The following MYH6 variants were observed in gnomAD, a reference collection of about 807,000 sequenced individuals.
MYH6 encodes myosin-6.
MYH6 carries 126 observed loss-of-function variants against 223.2 expected under a neutral mutation model. The ratio of observed to expected loss-of-function variants is 0.56; its 90% confidence interval spans 0.49 to 0.65. MYH6 has a LOEUF of 0.65. Ranked by LOEUF, MYH6 falls within the 30% of genes least tolerant of loss-of-function variation. The pLI, the probability that MYH6 is intolerant of heterozygous loss-of-function variation, is 0.00. For synonymous variants in MYH6, 978 were observed against 1,010.2 expected, an observed-to-expected ratio of 0.97 and a Z score of 0.61; for missense variants, 2,040 against 2,536.4, an observed-to-expected ratio of 0.80 and a Z score of 4.20.
chr14:23,390,947 C>G (rs1430042668), intron 25 of MYH6, among the ~76,000 whole-genome samples: 1 of 152,208 alleles, frequency 6.6e-6, no homozygotes, highest in Non-Finnish European at 1.5e-5. Flanking sequence ...ACCACAAAGT[C>G]CAATCAACCA....
chr14:23,388,674 TG>T, intron 29 of MYH6, 184 bp downstream of exon 29: 1 of 1,013,208 alleles, frequency 9.9e-7, no homozygotes. Context: ...TCACAGGAAG[TG>T]GGTCAGGGCC....
intron 32 of MYH6, 84 bp from the exon 33 acceptor site, chr14:23,386,707 A>G: frequency 6.8e-7 from 1 of 1,478,536 alleles, no homozygotes; most frequent in African/African-American, 1.4e-5. Context: ...GGTGTCAGCC[A>G]GGACTATCGC....
At chr14:23,391,190 C>T (rs1250419242) in intron 25 of MYH6, among the ~76,000 whole-genome samples, 1 of 152,154 alleles carries the variant, frequency 6.6e-6, no homozygotes, top group Non-Finnish European at 1.5e-5. Context: ...AGGAGCAAAA[C>T]GGGGGTTCAG....
intron 32 of MYH6, 58 bp from the exon 33 acceptor site, chr14:23,386,681 G>A: frequency 6.5e-7 from 1 of 1,545,382 alleles, no homozygotes; most frequent in Non-Finnish European, 8.8e-7. Context: ...TTGAGAGGGA[G>A]GATGAGAAGA....
chr14:23,398,135 A>G (rs1891485980), intron 15 of MYH6, among the ~76,000 whole-genome samples: 1 of 151,774 alleles, frequency 6.6e-6, no homozygotes, highest in Non-Finnish European at 1.5e-5. Flanking sequence ...TTCCTGCCTC[A>G]GCCTCCCAAG....
intron 14 of MYH6, 127 bp from the exon 15 acceptor site, chr14:23,399,164 T>C: frequency 8.8e-7 from 1 of 1,135,632 alleles, no homozygotes; most frequent in Non-Finnish European, 1.3e-6. Flanking sequence ...GGCGCTGTGC[T>C]GGTACCTCTT....
intron 33 of MYH6, 22 bp downstream of exon 33, chr14:23,386,291 AGG>A (rs767930154): frequency 1.2e-6 from 2 of 1,613,922 alleles, no homozygotes; most frequent in Non-Finnish European, 1.7e-6. Flanking sequence ...CAGTCCCCTG[AGG>A]GGACCTCCCG....
At chr14:23,397,954 T>C (rs571436133) in intron 15 of MYH6, among the ~76,000 whole-genome samples, 9 of 100,168 alleles carry the variant, frequency 9.0e-5, no homozygotes, top group African/African-American at 3.5e-4. Context: ...TTCTTCTTCT[T>C]CTTCTTCTTC....
At chr14:23,388,494 C>A (rs1257046512) in intron 29 of MYH6, 156 bp from the exon 30 acceptor site, 21 of 1,253,260 alleles carry the variant, frequency 1.7e-5, no homozygotes, top group Non-Finnish European at 2.3e-5. Context: ...ACAGAGTCCG[C>A]CAGCACGGGC....
intron 38 of MYH6, 79 bp downstream of exon 38, chr14:23,382,349 G>C (rs1216417117): frequency 6.3e-7 from 1 of 1,593,212 alleles, no homozygotes; most frequent in East Asian, 2.2e-5. Context: ...AGGGCAAGCA[G>C]TGCCCACTCT....
In MYH6 at chr14:23,393,498, C is replaced by T; in HGVS notation, c.2949G>A (p.Glu983=). 1.2e-6 allele frequency: 2 copies of T among 1,614,146 alleles called. No individual in the cohort carries two copies. Among genetic ancestry groups the T allele is most frequent in the Non-Finnish European group, 1.7e-6 (2 of 1,180,034 alleles). ...TENKVKNLTE[E]MAGLDEIIAK... ...CGATGATTTCATCCAGCCCAGCCAT[C>T]TCCTCTGTTAGGTTCTTCACCTGCC... The change falls in exon 23 of 39, where the codon GAG becomes GAA. Residue 983 remains glutamate (E), a synonymous_variant. Transcript: ENST00000405093.
At chr14:23,390,033 G>C (rs187065265) in intron 26 of MYH6, 24 bp downstream of exon 26, 42 of 1,613,474 alleles carry the variant, frequency 2.6e-5, no homozygotes, top group Non-Finnish European at 3.5e-5. Context: ...GGGAGAGGGC[G>C]AGGGGAGGCC....
At position 23,389,504 on chromosome 14, in the gene MYH6, C is replaced by A. The variant is rs138127105; in HGVS notation, c.3867G>T (p.Leu1289Phe). The change falls in exon 28 of 39, where the codon TTG (leucine) becomes TTT (phenylalanine). Residue 1289 changes from leucine (L) to phenylalanine (F), a missense_variant. Transcript: ENST00000405093. ...CCTCCTTTTCCTCTAGCTGCCGGGC[C>A]AACTCTCCTGGAGGTGAAATGAGGG... is the stretch of plus-strand genomic sequence containing the variant. ...RAKLQTENGE[L>F]ARQLEEKEAL... 5.5e-5 allele frequency: 89 copies of A among 1,614,214 alleles called. 2 individuals carry two copies. The highest frequency in any genetic ancestry group is 3.5e-4 in the South Asian group (32 of 91,078).
In MYH6 at chr14:23,403,699, C is replaced by T; in HGVS notation, c.799+16G>A. The T allele has an allele frequency of 6.2e-7, 1 of 1,609,820 alleles. No individual in the cohort carries two copies. The highest frequency in any genetic ancestry group is 8.5e-7 in the Non-Finnish European group (1 of 1,177,600). On this transcript the variant is annotated intron_variant, in intron 9 of 38. Transcript: ENST00000405093. Reference sequence around the variant, plus strand: ...AGGGGGACCTAGAGGGTGGCAGCCTCCCTGCTGGTACTCACAGGTCTCTAT... The same window carrying T: ...AGGGGGACCTAGAGGGTGGCAGCCTTCCTGCTGGTACTCACAGGTCTCTAT...
Position 23,387,931 on chromosome 14 carries a change from G to T in MYH6, c.4360-8C>A. 1.2e-6 allele frequency: 2 copies of T among 1,613,174 alleles called. No homozygotes were observed. The highest frequency in any genetic ancestry group is 1.7e-6 in the Non-Finnish European group (2 of 1,180,012). On this transcript the variant is annotated splice_region_variant and splice_polypyrimidine_tract_variant and intron_variant, in intron 30 of 38. Transcript: ENST00000405093. Reference sequence around the variant, plus strand: ...CTTCCACTCGGCCAGGATCTGCCCGGGGACAAGGCTCACTCTTCAGCCCCC... The same window carrying T: ...CTTCCACTCGGCCAGGATCTGCCCGTGGACAAGGCTCACTCTTCAGCCCCC...
chr14:23,398,086 T>C (rs1891484351), intron 15 of MYH6, among the ~76,000 whole-genome samples: 1 of 151,386 alleles, frequency 6.6e-6, no homozygotes, highest in South Asian at 2.1e-4. Flanking sequence ...GGTGCAATCT[T>C]GGCTCACTGC....
Position 23,404,588 on chromosome 14 carries a change from C to T in MYH6, c.642+123G>A, listed in dbSNP as rs1038055547. The T allele has an allele frequency of 4.5e-6, 5 of 1,120,402 alleles. No individual in the cohort carries two copies. In the African/African-American group the frequency reaches 4.6e-5, roughly 10 times the overall value. The allele number at this position is 1,120,402 out of a possible 1,614,324, so 69.4% of individuals were successfully genotyped here. ...AGGAAGGTCTTCCATACTGGGCTGA[C>T]CATCGGGAGCCCAGCTCAGTGTGGC... On this transcript the variant is annotated intron_variant, in intron 7 of 38. Transcript: ENST00000405093.
chr14:23,388,011 C>G, intron 30 of MYH6, 88 bp from the exon 31 acceptor site: 1 of 1,605,276 alleles, frequency 6.2e-7, no homozygotes, highest in Non-Finnish European at 8.5e-7. Context: ...CCAGCCTCAG[C>G]CGCATGTCCA....
Position 23,405,367 on chromosome 14 carries a change from G to C in MYH6, c.358C>G (p.Leu120Val), listed in dbSNP as rs769074801. The change falls in exon 5 of 39, where the codon CTC becomes GTC. Residue 120 changes from leucine (L) to valine (V), a missense_variant. By Grantham distance (32) the Leu-to-Val change is conservative. This residue lies in a region of MYH6 where 184 missense variants were observed against 232.4 expected (regional missense o/e 0.79). Transcript: ENST00000405093. This position sits in a 1 kb window ranked among gnomAD's most constrained non-coding sequence, Gnocchi z 4.7. ...TAGGGGTTGACAGTGACACAGAAGA[G>C]GCCCGAGTAGGTCTGGAGCAGGAGA... The part of the protein sequence containing the change: ...AAWMIYTYSG[L>V]FCVTVNPYKW... 1.2e-5 allele frequency: 20 copies of C among 1,614,162 alleles called. No homozygotes were observed. Among genetic ancestry groups the C allele is most frequent in the Non-Finnish European group, 1.6e-5 (19 of 1,179,994 alleles).
Sources: gnomAD v4.1 joint callset for allele counts (sites outside exome capture counted in the v4.1 genomes callset) on GRCh38, gnomAD v4.1.1 for gene constraint, gnomAD v4.1.1 regional missense constraint, Gnocchi (gnomAD v3.1) non-coding constraint, MANE v1.5 for transcripts, NCBI Gene and HGNC (gene_info 2026-07-23, HGNC 2026-07-21) for gene names.